MTHFD1L: variants seen among roughly 807,000 people sequenced by gnomAD.
The protein encoded by MTHFD1L is monofunctional C1-tetrahydrofolate synthase, mitochondrial.
A neutral mutation model predicts 119.5 loss-of-function variants in MTHFD1L; 81 were observed. The observed-to-expected ratio is 0.68, with a 90% CI of 0.57 to 0.82. The LOEUF (loss-of-function observed/expected upper bound fraction) is 0.82. Among genes scored for constraint, MTHFD1L ranks in the 40% least tolerant of loss-of-function variants. The pLI, the probability that MTHFD1L is intolerant of heterozygous loss-of-function variation, is 0.00. For missense variants in MTHFD1L, 1,125 were observed against 1,253.4 expected, an observed-to-expected ratio of 0.90 and a Z score of 1.55; for synonymous variants, 430 against 475.2, an observed-to-expected ratio of 0.90 and a Z score of 1.24.
At chr6:150,998,652 A>G (rs975766722) in intron 20 of MTHFD1L, among the ~76,000 whole-genome samples, 1 of 149,776 alleles carries the variant, frequency 6.7e-6, no homozygotes, top group Non-Finnish European at 1.5e-5. Flanking sequence ...GCATGCAGTT[A>G]AATCTTTCAT....
chr6:150,911,814 G>A (rs1786944969), intron 8 of MTHFD1L, among the ~76,000 whole-genome samples: 1 of 152,112 alleles, frequency 6.6e-6, no homozygotes, highest in Non-Finnish European at 1.5e-5. Context: ...AGAAAATCAG[G>A]AAGATGCAAA....
intron 11 of MTHFD1L, among the ~76,000 whole-genome samples, chr6:150,931,924 G>A (rs1010707759): frequency 1.3e-5 from 2 of 152,102 alleles, no homozygotes; most frequent in African/African-American, 4.8e-5. Context: ...CCCTTTGGGA[G>A]GCCGAGGCGG....
rs138361566 is a variant in MTHFD1L at position 151,092,550 on chromosome 6, G to A, written c.2931G>A (p.Leu977=). The A allele has an allele frequency of 5.1e-4, 830 of 1,613,686 alleles. 4 individuals are homozygous for A. The African/African-American group carries it at 8.9e-3, about 17-fold the overall frequency. ...LDTETEQVKG[L]F ...CCGAAACAGAACAAGTTAAAGGCTT[G>A]TTCTAAGTGGACAAGGCTCTCACAG... The change falls in exon 27 of 28, where the codon TTG becomes TTA. Residue 977 remains leucine (L), a synonymous_variant. Transcript: ENST00000367321.
intron 19 of MTHFD1L, among the ~76,000 whole-genome samples, chr6:150,968,258 C>T: frequency 6.6e-6 from 1 of 151,944 alleles, no homozygotes; most frequent in Admixed American, 6.6e-5. Flanking sequence ...CCATCCTGTT[C>T]ACCACCGTAT....
At chr6:150,917,410 T>C (rs1788159240) in intron 8 of MTHFD1L, among the ~76,000 whole-genome samples, 1 of 151,906 alleles carries the variant, frequency 6.6e-6, no homozygotes, top group Admixed American at 6.6e-5. Context: ...TAATCCCAGC[T>C]GCTAATAAGG....
chr6:150,894,746 A>G (rs183184243), intron 7 of MTHFD1L, among the ~76,000 whole-genome samples: 63 of 152,324 alleles, frequency 4.1e-4, no homozygotes, highest in Non-Finnish European at 2.6e-4. Context: ...CCGTCTGTCT[A>G]AACGGAAGGA....
chr6:151,087,870 A>G (rs1174877158), intron 26 of MTHFD1L, among the ~76,000 whole-genome samples: 1 of 152,278 alleles, frequency 6.6e-6, no homozygotes, highest in Admixed American at 6.5e-5. Context: ...GCAAAAGCCC[A>G]GGTATTTCAG....
intron 7 of MTHFD1L, among the ~76,000 whole-genome samples, chr6:150,889,367 G>T (rs764192416): frequency 7.2e-5 from 11 of 152,152 alleles, no homozygotes; most frequent in Non-Finnish European, 1.3e-4. Flanking sequence ...TAAGAGGTTG[G>T]CGTTGGAAGG....
chr6:151,009,967 C>T lies in MTHFD1L; in HGVS notation c.2265+9C>T, dbSNP rs143096767. 6.3e-7 allele frequency: 1 copy of T among 1,587,602 alleles called. No homozygotes were observed. Among genetic ancestry groups the T allele is most frequent in the Non-Finnish European group, 8.5e-7 (1 of 1,170,882 alleles). ...ATGGAGGCGGGCCAAGTGTAAGTGC[C>T]CACACCGCCTTCCTAATACCAAAGA... On this transcript the variant is annotated intron_variant, in intron 21 of 27. Coordinates refer to ENST00000367321, the MANE Select transcript of MTHFD1L (RefSeq NM_015440.5).
intron 20 of MTHFD1L, among the ~76,000 whole-genome samples, chr6:150,994,077 A>AGGAAGGAAGG (rs1554273889): frequency 1.3e-4 from 14 of 105,290 alleles, no homozygotes; most frequent in African/African-American, 4.8e-4. Flanking sequence ...AAAAAAAAAA[A>AGGAAGGAAGG]AAAGAAAGAA....
At chr6:151,065,502 T>C (rs1791133560) in intron 26 of MTHFD1L, among the ~76,000 whole-genome samples, 2 of 152,236 alleles carry the variant, frequency 1.3e-5, no homozygotes, top group Admixed American at 1.3e-4. Flanking sequence ...CTAGGCTAGA[T>C]CTGGCCTTAG....
At chr6:150,946,092 A>G (rs1188262189) in intron 15 of MTHFD1L, among the ~76,000 whole-genome samples, 3 of 152,172 alleles carry the variant, frequency 2.0e-5, no homozygotes, top group Non-Finnish European at 4.4e-5. Flanking sequence ...TTAAATTTCT[A>G]GGAAATTATA....
intron 26 of MTHFD1L, among the ~76,000 whole-genome samples, chr6:151,073,475 A>G (rs775489386): frequency 6.6e-6 from 1 of 152,144 alleles, no homozygotes; most frequent in Non-Finnish European, 1.5e-5. Flanking sequence ...AAGATCTAGG[A>G]AAATACCACC....
chr6:150,941,815 A>G (rs918898875), intron 13 of MTHFD1L, among the ~76,000 whole-genome samples: 4 of 152,182 alleles, frequency 2.6e-5, no homozygotes, highest in African/African-American at 7.2e-5. Context: ...CCTATGAAAC[A>G]TGCAGGTGGA....
rs76273462 is a variant in MTHFD1L, at chr6:151,010,495, A to T, written c.2265+537A>T. ...CTGTTTATTATGATTTCTCCTCACAACTCTGTTATAATACTGGATTGTTTC... is the reference window on the plus strand; with the variant it reads ...CTGTTTATTATGATTTCTCCTCACATCTCTGTTATAATACTGGATTGTTTC... On this transcript the variant is annotated intron_variant, in intron 21 of 27. Transcript: ENST00000367321. Among the ~76,000 whole-genome samples the T allele has an allele frequency of 9.3e-4, 142 of 152,112 alleles. 1 individual carries two copies. Among genetic ancestry groups the T allele is most frequent in the African/African-American group, 2.9e-3 (121 of 41,526 alleles).
chr6:151,045,400 T>C (rs1562589262), intron 26 of MTHFD1L, among the ~76,000 whole-genome samples: 1 of 151,836 alleles, frequency 6.6e-6, no homozygotes, highest in African/African-American at 2.4e-5. Flanking sequence ...ACATCCCTTT[T>C]TCCCCCTCTC....
chr6:150,987,804 G>T (rs1279894072), intron 20 of MTHFD1L, among the ~76,000 whole-genome samples: 2 of 152,294 alleles, frequency 1.3e-5, no homozygotes, highest in East Asian at 1.9e-4. Flanking sequence ...TTAACTACTG[G>T]TAAACCTGTC....
In MTHFD1L at chr6:150,944,550, C is replaced by T. The variant is rs376972964; in HGVS notation, c.1505C>T (p.Ala502Val). The change falls in exon 14 of 28, where the codon GCC becomes GTC. Residue 502 changes from alanine to valine, a missense_variant. Ala to Val is a moderately conservative substitution (Grantham distance 64). This residue lies in a region of MTHFD1L where 1,058 missense variants were observed against 1,151.2 expected (regional missense o/e 0.92). Coordinates refer to ENST00000367321, the MANE Select transcript of MTHFD1L (RefSeq NM_015440.5). ...GCTGCCAATAACTTGCTGGCTGCCGCCATCGACACGAGGATTCTTCATGAA... is the reference window on the plus strand; with the variant it reads ...GCTGCCAATAACTTGCTGGCTGCCGTCATCGACACGAGGATTCTTCATGAA... ...ITAANNLLAAAIDTRILHENT... is the reference protein window; with the variant it reads ...ITAANNLLAAVIDTRILHENT... 46 of 1,614,106 alleles carry T rather than the reference C, an allele frequency of 2.8e-5. 2 individuals are homozygous for T. The South Asian group carries it at 4.8e-4, about 17-fold the overall frequency.
rs1444332168 is a variant in MTHFD1L, at chr6:150,965,048, T to G, written c.2013+11T>G. ...ATGCAGACCCTGGAAGTAAGTGGTT[T>G]TCTTCTTATAGTAATTGTTTGCATT... is the stretch of plus-strand genomic sequence containing the variant. On this transcript the variant is annotated intron_variant, in intron 19 of 27. Coordinates refer to ENST00000367321, the MANE Select transcript of MTHFD1L (RefSeq NM_015440.5). 6.2e-7 allele frequency: 1 copy of G among 1,612,658 alleles called. No individual in the cohort carries two copies. Among genetic ancestry groups the G allele is most frequent in the Non-Finnish European group, 8.5e-7 (1 of 1,178,720 alleles).
Sources: allele counts gnomAD v4.1 joint callset (sites outside exome capture counted in the v4.1 genomes callset), GRCh38; gene constraint gnomAD v4.1.1; regional missense constraint gnomAD v4.1.1; transcripts MANE v1.5; gene names NCBI Gene and HGNC (gene_info 2026-07-23, HGNC 2026-07-21).